Variants in PIEZO2 observed in about 807,000 individuals in gnomAD.
The protein encoded by PIEZO2 is piezo type mechanosensitive ion channel component 2, also known as piezo-type mechanosensitive ion channel component 2.
Under a neutral mutation model 337.3 loss-of-function variants are expected in PIEZO2, and 172 were observed. The ratio of observed to expected loss-of-function variants is 0.51; its 90% CI spans 0.45 to 0.58. PIEZO2 has a LOEUF of 0.58. Ranked by LOEUF, PIEZO2 falls within the 20% of genes least tolerant of loss-of-function variation. PIEZO2 has a pLI of 0.00. For missense variants in PIEZO2, 3,028 were observed against 3,391.3 expected (o/e 0.89, Z 2.66); for synonymous variants, 1,251 against 1,228.5 (o/e 1.02, Z -0.38).
intron 7 of PIEZO2, among the ~76,000 whole-genome samples, chr18:10,823,901 G>T (rs1331764251): frequency 6.6e-6 from 1 of 152,108 alleles, no homozygotes; most frequent in East Asian, 1.9e-4. Context: ...GCCACATTTC[G>T]TTCTGCCAGC....
At chr18:10,738,985 CAT>C (rs1437709470) in intron 33 of PIEZO2, 2 of 152,194 alleles carry the variant, frequency 1.3e-5, no homozygotes, top group East Asian at 1.9e-4. Context: ...TAGATTTACA[CAT>C]GTGTATCCAA....
Position 10,850,039 on chromosome 18 carries a change from A to G in PIEZO2, c.917+5314T>C, listed in dbSNP as rs773760472. Among the ~76,000 whole-genome samples, 1 of 152,232 alleles carries G rather than the reference A, an allele frequency of 6.6e-6. No homozygotes were observed. The highest frequency in any genetic ancestry group is 1.5e-5 in the Non-Finnish European group (1 of 68,046). On this transcript the variant is annotated intron_variant, in intron 7 of 55. Coordinates refer to ENST00000674853, the MANE Select transcript of PIEZO2 (RefSeq NM_001378183.1). This position sits in a 1 kb window ranked among gnomAD's most constrained non-coding sequence, Gnocchi z 4.5. The stretch of plus-strand genomic sequence containing the variant: ...ATTTGGGAAGAATAATCTCAATTTC[A>G]GACCCAGTATCTTAACCTCCCCTAA...
At chr18:10,730,770 A>G (rs2036732521) in intron 36 of PIEZO2, among the ~76,000 whole-genome samples, 1 of 152,154 alleles carries the variant, frequency 6.6e-6, no homozygotes, top group Non-Finnish European at 1.5e-5. Context: ...TCTGTCGCCC[A>G]GGCTGGAGTG....
In PIEZO2 at chr18:11,125,670, G is replaced by A. The variant is rs1351424172; in HGVS notation, c.64+22855C>T. Among the ~76,000 whole-genome samples the A allele has an allele frequency of 6.6e-6, 1 of 152,234 alleles. No homozygotes were observed. On this transcript the variant is annotated intron_variant, in intron 1 of 55. Coordinates refer to ENST00000674853, the MANE Select transcript of PIEZO2 (RefSeq NM_001378183.1). The surrounding 1 kb of genome is among the most constrained non-coding windows in gnomAD (Gnocchi z 4.4). ...GAAAAGAAACTTCAAAGCCAGGATT[G>A]CGTAGGTCTATGCCAGGAAAAGAGA...
In PIEZO2 at chr18:11,131,108, C is replaced by T. The variant is rs1326945452; in HGVS notation, c.64+17417G>A. Reference sequence around the variant, plus strand: ...AGATAACTACTCTCCTTTTGAGAGACAGCTCTTGGCTGACACTGGACTTTG... The same window carrying T: ...AGATAACTACTCTCCTTTTGAGAGATAGCTCTTGGCTGACACTGGACTTTG... On this transcript the variant is annotated intron_variant, in intron 1 of 55. Coordinates refer to ENST00000674853, the MANE Select transcript of PIEZO2 (RefSeq NM_001378183.1). The surrounding 1 kb of genome is among the most constrained non-coding windows in gnomAD (Gnocchi z 5.3). 1.3e-5 allele frequency among the ~76,000 whole-genome samples: 2 copies of T among 152,220 alleles called. No individual in the cohort carries two copies. The highest frequency in any genetic ancestry group is 4.8e-5 in the African/African-American group (2 of 41,460).
rs1322661816 is a variant in PIEZO2, at chr18:10,850,570, T to G, written c.917+4783A>C. 1.3e-5 allele frequency among the ~76,000 whole-genome samples: 2 copies of G among 152,216 alleles called. No individual in the cohort carries two copies. Among genetic ancestry groups the G allele is most frequent in the African/African-American group, 4.8e-5 (2 of 41,474 alleles). ...ATGAGAACAAAAATGAGAAATCATCTACGTGGTTAAAACTCAGGGGTTGAC... is the reference window on the plus strand; with the variant it reads ...ATGAGAACAAAAATGAGAAATCATCGACGTGGTTAAAACTCAGGGGTTGAC... On this transcript the variant is annotated intron_variant, in intron 7 of 55. Coordinates refer to ENST00000674853, the MANE Select transcript of PIEZO2 (RefSeq NM_001378183.1). The surrounding 1 kb of genome is among the most constrained non-coding windows in gnomAD (Gnocchi z 4.5).
rs541352834 is a variant in PIEZO2, at chr18:10,811,918, C to A, written c.918-4644G>T. 4.3e-4 allele frequency among the ~76,000 whole-genome samples: 65 copies of A among 152,302 alleles called. 1 individual carries two copies. The East Asian group carries it at 0.011, about 27-fold the overall frequency. On this transcript the variant is annotated intron_variant, in intron 7 of 55. Coordinates refer to ENST00000674853, the MANE Select transcript of PIEZO2 (RefSeq NM_001378183.1). ...GTGCGATCTCCGCTCACTGCGAGCTCCGCCTCCCGGGTTCACACCATTCTC... is the reference window on the plus strand; with the variant it reads ...GTGCGATCTCCGCTCACTGCGAGCTACGCCTCCCGGGTTCACACCATTCTC...
At chr18:10,714,307 G>A (rs1654307147) in intron 39 of PIEZO2, among the ~76,000 whole-genome samples, 1 of 152,190 alleles carries the variant, frequency 6.6e-6, no homozygotes, top group Admixed American at 6.5e-5. Flanking sequence ...GAAGATGGAA[G>A]CTAACAGAAT....
At chr18:10,857,716 G>A (rs567356447) in intron 5 of PIEZO2, among the ~76,000 whole-genome samples, 4 of 152,246 alleles carry the variant, frequency 2.6e-5, no homozygotes, top group East Asian at 3.9e-4. Flanking sequence ...GAGTGGTCCC[G>A]GGCTTCTCTT....
At chr18:10,910,510 G>A (rs1482455261) in intron 4 of PIEZO2, among the ~76,000 whole-genome samples, 1 of 152,068 alleles carries the variant, frequency 6.6e-6, no homozygotes, top group African/African-American at 2.4e-5. Context: ...TTGAACCCAG[G>A]AGGCAGAGGT....
chr18:10,889,578 A>G (rs1007841320), intron 4 of PIEZO2, among the ~76,000 whole-genome samples: 2 of 152,190 alleles, frequency 1.3e-5, no homozygotes, highest in East Asian at 1.9e-4. Context: ...TTCTTTATCA[A>G]CTTGGTCAAG....
At position 10,813,333 on chromosome 18, in the gene PIEZO2, T is replaced by C. The variant is rs573584835; in HGVS notation, c.918-6059A>G. 6.6e-6 allele frequency among the ~76,000 whole-genome samples: 1 copy of C among 152,308 alleles called. No homozygotes were observed. The highest frequency in any genetic ancestry group is 2.1e-4 in the South Asian group (1 of 4,826). ...AGTGGTATTAATTACACTCATATTG[T>C]TGCGAAACCAATCGCCAGAACTTTT... On this transcript the variant is annotated intron_variant, in intron 7 of 55. Coordinates refer to ENST00000674853, the MANE Select transcript of PIEZO2 (RefSeq NM_001378183.1). This position sits in a 1 kb window ranked among gnomAD's most constrained non-coding sequence, Gnocchi z 4.2.
rs567981807 is a variant in PIEZO2, at chr18:10,819,066, T to C, written c.918-11792A>G. 8.5e-5 allele frequency among the ~76,000 whole-genome samples: 13 copies of C among 152,208 alleles called. No individual in the cohort carries two copies. Among genetic ancestry groups the C allele is most frequent in the Non-Finnish European group, 1.6e-4 (11 of 68,024 alleles). On this transcript the variant is annotated intron_variant, in intron 7 of 55. Coordinates refer to ENST00000674853, the MANE Select transcript of PIEZO2 (RefSeq NM_001378183.1). This position sits in a 1 kb window ranked among gnomAD's most constrained non-coding sequence, Gnocchi z 4.3. ...TACACATCGTCCCCCACCAAAATAA[T>C]ATGGAAATGTTCCATTTAATTGTCA...
rs1348033755 is a variant in PIEZO2 at position 10,766,165 on chromosome 18, A to T, written c.2947-3067T>A. Among the ~76,000 whole-genome samples the T allele has an allele frequency of 2.0e-5, 3 of 152,144 alleles. No individual in the cohort carries two copies. Among genetic ancestry groups the T allele is most frequent in the Non-Finnish European group, 4.4e-5 (3 of 68,036 alleles). On this transcript the variant is annotated intron_variant, in intron 21 of 55. Coordinates refer to ENST00000674853, the MANE Select transcript of PIEZO2 (RefSeq NM_001378183.1). This position sits in a 1 kb window ranked among gnomAD's most constrained non-coding sequence, Gnocchi z 6.1. ...CACAGTTCTGTTATCTAAAGAGATC[A>T]TGATCTCATCATTTTCCTGATGGTA...
At chr18:10,694,795 A>T (rs1250256989) in intron 47 of PIEZO2, among the ~76,000 whole-genome samples, 1 of 152,186 alleles carries the variant, frequency 6.6e-6, no homozygotes, top group African/African-American at 2.4e-5. Context: ...TGATCATGCC[A>T]CTGCACTCTA....
At position 10,704,649 on chromosome 18, in the gene PIEZO2, C is replaced by T. The variant is rs914337940; in HGVS notation, c.6003G>A (p.Met2001Ile). The T allele has an allele frequency of 2.6e-6, 4 of 1,536,030 alleles. No individual in the cohort carries two copies. The African/African-American group carries it at 5.5e-5, about 21-fold the overall frequency. ...LTASELLLKK[M>I]FHDDELEESE... ...ACTCTTCAAGCTCATCGTCGTGAAA[C>T]ATCCTGTTAAAGCAAACCACATGAT... The change falls in exon 42 of 56, where the codon ATG (methionine) becomes ATA (isoleucine). Residue 2001 changes from methionine to isoleucine, a missense_variant. This residue lies in a region of PIEZO2 where 1,925 missense variants were observed against 2,051.9 expected (regional missense o/e 0.94). Transcript: ENST00000674853.
chr18:10,744,354 C>T (rs1598425531), intron 30 of PIEZO2, 123 bp from the exon 31 acceptor site: 1 of 656,580 alleles, frequency 1.5e-6, no homozygotes, highest in Non-Finnish European at 2.6e-6. Flanking sequence ...CTTGTAGTTT[C>T]CTGGCTGGGA....
chr18:10,902,622 T>C (rs2043078956), intron 4 of PIEZO2, among the ~76,000 whole-genome samples: 1 of 152,148 alleles, frequency 6.6e-6, no homozygotes, highest in Non-Finnish European at 1.5e-5. Flanking sequence ...ATTAAAGTAA[T>C]AGTATAAATA....
intron 40 of PIEZO2, among the ~76,000 whole-genome samples, chr18:10,706,273 G>C (rs147965339): frequency 6.6e-6 from 1 of 152,156 alleles, no homozygotes; most frequent in Non-Finnish European, 1.5e-5. Context: ...CTGAACAACT[G>C]TGTGCTTGAT....
Sources: gnomAD v4.1 joint callset for allele counts (sites outside exome capture counted in the v4.1 genomes callset) on GRCh38, gnomAD v4.1.1 for gene constraint, gnomAD v4.1.1 regional missense constraint, Gnocchi (gnomAD v3.1) non-coding constraint, MANE v1.5 for transcripts, NCBI Gene and HGNC (gene_info 2026-07-23, HGNC 2026-07-21) for gene names.